The following SCUBE1 variants were observed in gnomAD, a reference collection of about 807,000 sequenced individuals.
The protein encoded by SCUBE1 is signal peptide, CUB domain and EGF like domain containing 1.
SCUBE1 carries 59 observed loss-of-function variants against 124.4 expected under a neutral mutation model. That is an observed-to-expected ratio of 0.47 (90% CI 0.38 to 0.59). The LOEUF is 0.59. SCUBE1 is among the 20% of genes least tolerant of loss of function. The pLI is 0.00. For synonymous variants in SCUBE1, 545 were observed against 550.9 expected, an observed-to-expected ratio of 0.99 and a Z score of 0.15; for missense variants, 1,150 against 1,371.2, an observed-to-expected ratio of 0.84 and a Z score of 2.55.
chr22:43,209,286 G>C (rs1921436452), intron 19 of SCUBE1, among the ~76,000 whole-genome samples: 1 of 152,150 alleles, frequency 6.6e-6, no homozygotes. Flanking sequence ...TGGGTGTCTG[G>C]GTTCCTGCTC....
chr22:43,215,375 T>C (rs546516140), intron 15 of SCUBE1, among the ~76,000 whole-genome samples: 79 of 152,310 alleles, frequency 5.2e-4, no homozygotes, highest in Non-Finnish European at 8.8e-4. Context: ...TAAACGGCCA[T>C]GGCCACCCAC....
intron 3 of SCUBE1, chr22:43,316,749 C>T (rs1320703444): frequency 6.6e-6 from 1 of 152,314 alleles, no homozygotes; most frequent in Non-Finnish European, 1.5e-5. Context: ...GGAGTTAGCC[C>T]CGCTTCTACC....
chr22:43,280,296 C>T (rs374713099), intron 4 of SCUBE1, among the ~76,000 whole-genome samples: 18 of 152,018 alleles, frequency 1.2e-4, no homozygotes, highest in East Asian at 1.9e-4. Flanking sequence ...ACCTATGTGA[C>T]GCGGGTAACA....
intron 14 of SCUBE1, among the ~76,000 whole-genome samples, chr22:43,219,876 G>A (rs113976638): frequency 0.012 from 1,770 of 152,048 alleles, 33 homozygotes; most frequent in African/African-American, 0.04. Flanking sequence ...CTGGCAATGG[G>A]TGGTTTGCAC....
In SCUBE1 at chr22:43,238,974, G is replaced by A; in HGVS notation, c.728-20C>T. 6.3e-7 allele frequency: 1 copy of A among 1,586,652 alleles called. No individual in the cohort carries two copies. The highest frequency in any genetic ancestry group is 8.6e-7 in the Non-Finnish European group (1 of 1,156,574). ...ACGTCTCTGGGGAGGGAAAGAGACA[G>A]AGACCTCAGTTTCCTTGGACAGAAG... On this transcript the variant is annotated intron_variant, in intron 6 of 21. Coordinates refer to ENST00000360835, the MANE Select transcript of SCUBE1 (RefSeq NM_173050.5).
At chr22:43,333,894 C>T (rs759995403) in intron 2 of SCUBE1, among the ~76,000 whole-genome samples, 3 of 152,160 alleles carry the variant, frequency 2.0e-5, no homozygotes, top group Admixed American at 6.5e-5. Context: ...AGATCATGGA[C>T]GTGGAACATG....
At chr22:43,207,945 G>C (rs1352533547) in intron 20 of SCUBE1, 127 bp downstream of exon 20, 10 of 1,099,722 alleles carry the variant, frequency 9.1e-6, no homozygotes, top group African/African-American at 1.5e-5. Context: ...GACAGTGTTC[G>C]TTCTGCTTCC....
Position 43,233,086 on chromosome 22 carries a change from C to T in SCUBE1, c.845-1211G>A, listed in dbSNP as rs148865505. ...GCTTAAAAAAATAATCAGTGCTGGC[C>T]GGGCACGGTGGCTCATGCCTGTAAT... is the stretch of plus-strand genomic sequence containing the variant. On this transcript the variant is annotated intron_variant, in intron 7 of 21. Transcript: ENST00000360835. 1.5e-4 allele frequency among the ~76,000 whole-genome samples: 23 copies of T among 152,288 alleles called. No individual in the cohort carries two copies. In the East Asian group the frequency reaches 3.3e-3, roughly 22 times the overall value.
At chr22:43,222,943 A>C (rs547443556) in intron 11 of SCUBE1, among the ~76,000 whole-genome samples, 154 bp downstream of exon 11, 1 of 152,316 alleles carries the variant, frequency 6.6e-6, no homozygotes, top group African/African-American at 2.4e-5. Context: ...AGGCCCACAG[A>C]AAACCAGACA....
chr22:43,314,546 C>T (rs959236090), intron 3 of SCUBE1, among the ~76,000 whole-genome samples: 8 of 152,132 alleles, frequency 5.3e-5, no homozygotes, highest in Non-Finnish European at 1.0e-4. Flanking sequence ...CTGGAACACA[C>T]GCCTACCACT....
intron 14 of SCUBE1, among the ~76,000 whole-genome samples, chr22:43,220,181 GA>G (rs1466158053): frequency 6.6e-6 from 1 of 152,234 alleles, no homozygotes. Flanking sequence ...TGGAGGGGCA[GA>G]TAAGGGTCAT....
Position 43,223,081 on chromosome 22 carries a change from G to A in SCUBE1, c.1327+16C>T. The A allele has an allele frequency of 1.3e-6, 2 of 1,519,660 alleles. No individual in the cohort carries two copies. The highest frequency in any genetic ancestry group is 1.8e-6 in the Non-Finnish European group (2 of 1,136,708). 94.1% of individuals were successfully genotyped at this position (1,519,660 alleles called of 1,614,324 possible). A position where few individuals can be genotyped will look rare whatever the true frequency, so the allele number is the denominator to read the frequency against. ...CCCCTGCCACAGCATCCCATCTCAG[G>A]GACGGCCCGGGTTACCTGGCACGAA... is the stretch of plus-strand genomic sequence containing the variant. On this transcript the variant is annotated intron_variant, in intron 11 of 21. Transcript: ENST00000360835.
rs530415135 is a variant in SCUBE1, at chr22:43,198,537, C to T, written c.*5460G>A. 2.2e-5 allele frequency: 10 copies of T among 456,624 alleles called. No homozygotes were observed. Among genetic ancestry groups the T allele is most frequent in the East Asian group, 1.4e-4 (2 of 14,400 alleles). 28.3% of individuals were successfully genotyped at this position (456,624 alleles called of 1,614,324 possible). A position where few individuals can be genotyped will look rare whatever the true frequency, so the allele number is the denominator to read the frequency against. On this transcript the variant is annotated 3_prime_UTR_variant, in exon 22 of 22. Coordinates refer to ENST00000360835, the MANE Select transcript of SCUBE1 (RefSeq NM_173050.5). ...GAGGCAGCCGCGGTAGAATAGGAGG[C>T]GCTCTCTGCTCTCTCTCCACATCCT... is the stretch of plus-strand genomic sequence containing the variant.
chr22:43,266,675 A>G (rs1418581695), intron 4 of SCUBE1, among the ~76,000 whole-genome samples: 1 of 152,188 alleles, frequency 6.6e-6, no homozygotes, highest in East Asian at 1.9e-4. Context: ...TCACTCGGCT[A>G]CACCTGTGGG....
intron 19 of SCUBE1, among the ~76,000 whole-genome samples, 157 bp from the exon 20 acceptor site, chr22:43,208,381 T>C (rs1033668684): frequency 6.6e-6 from 1 of 152,164 alleles, no homozygotes; most frequent in Non-Finnish European, 1.5e-5. Flanking sequence ...CCTCTGCCTC[T>C]GAGGCCCTTC....
chr22:43,298,265 G>A (rs1008039715), intron 3 of SCUBE1, among the ~76,000 whole-genome samples: 7 of 152,216 alleles, frequency 4.6e-5, no homozygotes, highest in Admixed American at 2.0e-4. Context: ...TGGCACAGGC[G>A]GCAGGAGGTA....
intron 6 of SCUBE1, among the ~76,000 whole-genome samples, chr22:43,243,722 C>G (rs955087797): frequency 1.2e-4 from 19 of 152,336 alleles, no homozygotes; most frequent in Middle Eastern, 3.4e-3. Context: ...GGGCAAGTCC[C>G]TTGGCTTCTC....
At position 43,218,242 on chromosome 22, in the gene SCUBE1, G is replaced by C. The variant is rs781145321; in HGVS notation, c.1891+13C>G. On this transcript the variant is annotated intron_variant, in intron 15 of 21. Transcript: ENST00000360835. Reference sequence around the variant, plus strand: ...CAGAGTCAGCATCTGAGTGGCCATGGGCAAGGACTCACCGCATTTGCTGTC... The same window carrying C: ...CAGAGTCAGCATCTGAGTGGCCATGCGCAAGGACTCACCGCATTTGCTGTC... The C allele has an allele frequency of 8.1e-6, 13 of 1,611,702 alleles. No individual in the cohort carries two copies. In the Admixed American group the frequency reaches 2.2e-4, roughly 27 times the overall value.
chr22:43,252,612 G>A (rs1414262678), intron 6 of SCUBE1, among the ~76,000 whole-genome samples: 6 of 152,144 alleles, frequency 3.9e-5, no homozygotes. Context: ...ACCCCGAAAG[G>A]GGCTCAGGCT....
Sources: allele counts gnomAD v4.1 joint callset (sites outside exome capture counted in the v4.1 genomes callset), GRCh38; gene constraint gnomAD v4.1.1; transcripts MANE v1.5; gene names NCBI Gene and HGNC (gene_info 2026-07-23, HGNC 2026-07-21).